Variants in ERBB4 observed in about 807,000 individuals in gnomAD.
ERBB4 encodes erb-b2 receptor tyrosine kinase 4.
ERBB4 carries 42 observed loss-of-function variants against 158.0 expected under a neutral mutation model. The ratio of observed to expected loss-of-function variants is 0.27; its 90% confidence interval spans 0.21 to 0.34. The LOEUF (loss-of-function observed/expected upper bound fraction) is 0.34, where lower values mean the gene tolerates loss of function less well. Ranked by LOEUF, ERBB4 falls within the 10% of genes least tolerant of loss-of-function variation. The pLI is 1.00. For synonymous variants in ERBB4, 583 were observed against 558.7 expected (o/e 1.04, Z -0.61); for missense variants, 1,333 against 1,624.1 (o/e 0.82, Z 3.08).
intron 2 of ERBB4, among the ~76,000 whole-genome samples, chr2:212,060,384 T>C (rs970236448): frequency 6.6e-6 from 1 of 151,614 alleles, no homozygotes; most frequent in African/African-American, 2.4e-5. Context: ...AGTTCAACCA[T>C]TGTGGAAGAC....
At chr2:212,327,530 T>C (rs2087905362) in intron 1 of ERBB4, among the ~76,000 whole-genome samples, 1 of 151,868 alleles carries the variant, frequency 6.6e-6, no homozygotes, top group East Asian at 1.9e-4. Flanking sequence ...CTACATGTTT[T>C]GCTTGATCTC....
chr2:211,783,302 T>C (rs1379368499), intron 4 of ERBB4, among the ~76,000 whole-genome samples: 4 of 152,242 alleles, frequency 2.6e-5, no homozygotes, highest in Admixed American at 6.5e-5. Context: ...TATATAATCA[T>C]GTCATCTGCA....
intron 1 of ERBB4, among the ~76,000 whole-genome samples, chr2:212,395,614 CTTTT>C (rs760604732): frequency 3.5e-5 from 3 of 84,732 alleles, no homozygotes; most frequent in Non-Finnish European, 6.5e-5. Context: ...CAGTTACACT[CTTTT>C]TTTTTTTTTT....
intron 2 of ERBB4, among the ~76,000 whole-genome samples, chr2:211,961,416 G>A (rs1426337053): frequency 6.6e-6 from 1 of 152,148 alleles, no homozygotes; most frequent in Non-Finnish European, 1.5e-5. Context: ...GTATCGACCT[G>A]TTTGTACTTT....
chr2:211,790,865 G>A (rs1332185278), intron 3 of ERBB4, among the ~76,000 whole-genome samples: 1 of 151,886 alleles, frequency 6.6e-6, no homozygotes, highest in Non-Finnish European at 1.5e-5. Flanking sequence ...CACAGTCAGA[G>A]AATGTAGAAT....
chr2:212,314,554 G>C (rs187955161), intron 1 of ERBB4, among the ~76,000 whole-genome samples: 1 of 150,406 alleles, frequency 6.6e-6, no homozygotes, highest in Admixed American at 6.6e-5. Flanking sequence ...AAGCAGTATA[G>C]AATTTTAAAA....
At chr2:211,841,114 T>C (rs754242198) in intron 3 of ERBB4, among the ~76,000 whole-genome samples, 1 of 152,094 alleles carries the variant, frequency 6.6e-6, no homozygotes, top group Non-Finnish European at 1.5e-5. Flanking sequence ...TAATATACTT[T>C]ATGAAGAAAA....
intron 20 of ERBB4, among the ~76,000 whole-genome samples, chr2:211,446,962 T>G (rs2064126767): frequency 6.6e-6 from 1 of 152,248 alleles, no homozygotes; most frequent in Admixed American, 6.5e-5. Flanking sequence ...TATTAACATT[T>G]AACATAAGAA....
chr2:211,874,425 T>G (rs903401439), intron 3 of ERBB4, among the ~76,000 whole-genome samples: 1 of 152,214 alleles, frequency 6.6e-6, no homozygotes, highest in African/African-American at 2.4e-5. Flanking sequence ...TTTTGTTTAC[T>G]TTTAAATTAA....
chr2:211,435,443 G>A (rs1035635605), intron 20 of ERBB4, among the ~76,000 whole-genome samples: 8 of 152,324 alleles, frequency 5.3e-5, no homozygotes, highest in Non-Finnish European at 1.0e-4. Flanking sequence ...AAGGCTAGGC[G>A]AGGTCAAGTT....
At chr2:211,926,918 G>A (rs766049947) in intron 3 of ERBB4, among the ~76,000 whole-genome samples, 5 of 151,678 alleles carry the variant, frequency 3.3e-5, no homozygotes, top group Non-Finnish European at 7.4e-5. Flanking sequence ...TCCTATCCTC[G>A]GTTATACTTA....
At chr2:212,442,576 A>T (rs1238970637) in intron 1 of ERBB4, among the ~76,000 whole-genome samples, 1 of 152,174 alleles carries the variant, frequency 6.6e-6, no homozygotes, top group Non-Finnish European at 1.5e-5. Flanking sequence ...GGTCTTATGG[A>T]GGTCAGGTAA....
chr2:211,610,745 G>A (rs932618035), intron 19 of ERBB4, among the ~76,000 whole-genome samples: 28 of 152,064 alleles, frequency 1.8e-4, no homozygotes, highest in Admixed American at 1.8e-3. Flanking sequence ...TATGGAAAAC[G>A]ATGTCTTCAA....
chr2:211,734,859 C>G (rs1192860924), intron 5 of ERBB4, among the ~76,000 whole-genome samples: 1 of 140,386 alleles, frequency 7.1e-6, no homozygotes, highest in Non-Finnish European at 1.5e-5. Flanking sequence ...AGGCAGAGCC[C>G]CTGCAGTGCA....
intron 2 of ERBB4, among the ~76,000 whole-genome samples, chr2:212,008,887 T>G (rs961832581): frequency 6.6e-6 from 1 of 152,152 alleles, no homozygotes; most frequent in Non-Finnish European, 1.5e-5. Flanking sequence ...TGGCAGCTGC[T>G]CTGACTTAGA....
intron 20 of ERBB4, among the ~76,000 whole-genome samples, chr2:211,499,563 A>G (rs2065564729): frequency 6.6e-6 from 1 of 152,190 alleles, no homozygotes; most frequent in African/African-American, 2.4e-5. Context: ...AAACAAAAAA[A>G]AGAAAACTGT....
chr2:211,434,939 T>C (rs968469564), intron 20 of ERBB4, among the ~76,000 whole-genome samples: 1 of 152,222 alleles, frequency 6.6e-6, no homozygotes, highest in African/African-American at 2.4e-5. Context: ...AGTCCTACTT[T>C]CACACACTGA....
chr2:211,864,847 C>G (rs1287421068), intron 3 of ERBB4, among the ~76,000 whole-genome samples: 1 of 151,868 alleles, frequency 6.6e-6, no homozygotes, highest in Non-Finnish European at 1.5e-5. Context: ...CCTGTCTCTA[C>G]TAAAAATACA....
At chr2:212,149,162 T>C (rs777288602) in intron 1 of ERBB4, among the ~76,000 whole-genome samples, 122 of 106,572 alleles carry the variant, frequency 1.1e-3, no homozygotes, top group Non-Finnish European at 1.9e-3. Context: ...ACTTAAAATA[T>C]AATAATTAAA....
Sources: gnomAD v4.1 joint callset for allele counts (sites outside exome capture counted in the v4.1 genomes callset) on GRCh38, gnomAD v4.1.1 for gene constraint, MANE v1.5 for transcripts, NCBI Gene and HGNC (gene_info 2026-07-23, HGNC 2026-07-21) for gene names.